The following NCAM1 variants were observed in gnomAD, a reference collection of about 807,000 sequenced individuals.
NCAM1 encodes the protein antigen recognized by monoclonal antibody 5.1H11.
Under a neutral mutation model 109.8 loss-of-function variants are expected in NCAM1, and 14 were observed. The ratio of observed to expected loss-of-function variants is 0.13; its 90% CI spans 0.08 to 0.20. The LOEUF (loss-of-function observed/expected upper bound fraction) is 0.20, where lower values mean the gene tolerates loss of function less well. Among genes scored for constraint, NCAM1 ranks in the 10% least tolerant of loss-of-function variants. NCAM1 has a pLI of 1.00. For missense variants in NCAM1, 774 were observed against 1,109.9 expected, an observed-to-expected ratio of 0.70 and a Z score of 4.30; for synonymous variants, 418 against 442.9, an observed-to-expected ratio of 0.94 and a Z score of 0.70.
In NCAM1 at chr11:113,275,938, G is replaced by C. The variant is rs1316533836; in HGVS notation, c.*551G>C. 6.6e-6 allele frequency: 1 copy of C among 152,626 alleles called. No homozygotes were observed. Among genetic ancestry groups the C allele is most frequent in the Non-Finnish European group, 1.5e-5 (1 of 68,092 alleles). 9.5% of individuals were successfully genotyped at this position (152,626 alleles called of 1,614,324 possible). A position where few individuals can be genotyped will look rare whatever the true frequency, so the allele number is the denominator to read the frequency against. On this transcript the variant is annotated 3_prime_UTR_variant, in exon 20 of 20. Transcript: ENST00000316851. ...ACTTTGTATTTGTTCAGTATGCAAAGTGTGTCACCCTTTCTAGCTGAATTC... is the reference window on the plus strand; with the variant it reads ...ACTTTGTATTTGTTCAGTATGCAAACTGTGTCACCCTTTCTAGCTGAATTC...
At position 113,218,239 on chromosome 11, in the gene NCAM1, A is replaced by G. The variant is rs147228868; in HGVS notation, c.1060-3057A>G. Among the ~76,000 whole-genome samples the G allele has an allele frequency of 3.9e-3, 594 of 152,310 alleles. 5 individuals are homozygous for G. Among genetic ancestry groups the G allele is most frequent in the African/African-American group, 0.014 (568 of 41,574 alleles). On this transcript the variant is annotated intron_variant, in intron 8 of 19. Transcript: ENST00000316851. ...ATCTTTGTCCAAGTCACTGATAGAA[A>G]TGTTGACTAGAACAAGGTCAAGTAC...
chr11:112,965,033 T>C (rs1473074555), intron 1 of NCAM1, among the ~76,000 whole-genome samples: 1 of 152,048 alleles, frequency 6.6e-6, no homozygotes, highest in Non-Finnish European at 1.5e-5. Flanking sequence ...TTCCCTAAAT[T>C]GTTGAACCTG....
At chr11:113,060,967 A>G (rs950194067) in intron 1 of NCAM1, among the ~76,000 whole-genome samples, 3 of 152,168 alleles carry the variant, frequency 2.0e-5, no homozygotes, top group African/African-American at 7.2e-5. Context: ...TTAAGTATAT[A>G]ATACCATTTT....
chr11:113,185,633 A>G (rs1555108753), intron 1 of NCAM1, among the ~76,000 whole-genome samples: 2 of 152,250 alleles, frequency 1.3e-5, no homozygotes, highest in East Asian at 3.8e-4. Context: ...CTGCAGCGCT[A>G]TGTCACACTG....
intron 1 of NCAM1, among the ~76,000 whole-genome samples, chr11:113,106,824 G>A (rs2135919254): frequency 6.6e-6 from 1 of 152,300 alleles, no homozygotes; most frequent in Middle Eastern, 3.4e-3. Flanking sequence ...TACCAAGTCA[G>A]TAGCCCATCT....
intron 1 of NCAM1, among the ~76,000 whole-genome samples, chr11:112,985,862 A>G (rs1289956908): frequency 6.6e-6 from 1 of 151,870 alleles, no homozygotes; most frequent in Admixed American, 6.6e-5. Context: ...GTAACAGTTT[A>G]ACTTCTTCCT....
At position 113,233,115 on chromosome 11, in the gene NCAM1, C is replaced by T. The variant is rs782057844; in HGVS notation, c.1523-32C>T. Reference sequence around the variant, plus strand: ...TAATGGTCTTGGGCCAAACTGGGCTCACCTGAGTCTCCATATGTGTCTTCC... The same window carrying T: ...TAATGGTCTTGGGCCAAACTGGGCTTACCTGAGTCTCCATATGTGTCTTCC... On this transcript the variant is annotated intron_variant, in intron 12 of 19. Transcript: ENST00000316851. This position sits in a 1 kb window ranked among gnomAD's most constrained non-coding sequence, Gnocchi z 4.5. 293 of 1,599,570 alleles carry T rather than the reference C, an allele frequency of 1.8e-4. No homozygotes were observed. The highest frequency in any genetic ancestry group is 2.3e-4 in the Non-Finnish European group (272 of 1,173,530).
At chr11:113,196,641 G>A (rs1943863091) in intron 1 of NCAM1, among the ~76,000 whole-genome samples, 1 of 152,152 alleles carries the variant, frequency 6.6e-6, no homozygotes, top group Admixed American at 6.5e-5. Context: ...CTGTTTTACA[G>A]ATGAGACACT....
At chr11:113,139,220 T>G (rs145306232) in intron 1 of NCAM1, among the ~76,000 whole-genome samples, 38 of 152,334 alleles carry the variant, frequency 2.5e-4, no homozygotes, top group Middle Eastern at 3.4e-3. Flanking sequence ...GACTGATTAT[T>G]ACTGGCAGAA....
intron 1 of NCAM1, among the ~76,000 whole-genome samples, chr11:113,149,540 C>T (rs189593630): frequency 6.6e-6 from 1 of 152,248 alleles, no homozygotes; most frequent in Admixed American, 6.5e-5. Context: ...GTAAAACTTG[C>T]AAGATTTAGA....
At chr11:113,121,803 T>G (rs1399875949) in intron 1 of NCAM1, among the ~76,000 whole-genome samples, 1 of 152,208 alleles carries the variant, frequency 6.6e-6, no homozygotes, top group Non-Finnish European at 1.5e-5. Flanking sequence ...TTTTGAGTTG[T>G]CTGTAAATGT....
intron 14 of NCAM1, among the ~76,000 whole-genome samples, chr11:113,237,305 CTT>C (rs1247103642): frequency 7.2e-5 from 11 of 152,206 alleles, no homozygotes; most frequent in African/African-American, 2.7e-4. Context: ...GCTGTACAGT[CTT>C]TTCATAAAAA....
intron 17 of NCAM1, among the ~76,000 whole-genome samples, chr11:113,268,753 A>T (rs1946197498): frequency 6.6e-6 from 1 of 152,202 alleles, no homozygotes. Flanking sequence ...TTACTCAGTT[A>T]CATGTTCCCT....
intron 1 of NCAM1, among the ~76,000 whole-genome samples, chr11:113,174,610 A>G (rs1003174221): frequency 6.6e-6 from 1 of 152,228 alleles, no homozygotes; most frequent in Middle Eastern, 3.2e-3. Flanking sequence ...TACCTGGCTC[A>G]TCTGACCACC....
At chr11:113,009,804 C>T (rs1333712341) in intron 1 of NCAM1, among the ~76,000 whole-genome samples, 2 of 152,018 alleles carry the variant, frequency 1.3e-5, no homozygotes, top group Non-Finnish European at 2.9e-5. Flanking sequence ...CCCTGTTATT[C>T]ATGACAATGC....
intron 8 of NCAM1, among the ~76,000 whole-genome samples, chr11:113,220,726 C>T (rs1407643918): frequency 6.6e-6 from 1 of 151,042 alleles, no homozygotes; most frequent in Non-Finnish European, 1.5e-5. Flanking sequence ...CCTGCCCCAG[C>T]CTCCCGAATA....
At chr11:113,182,346 G>C (rs2136600406) in intron 1 of NCAM1, among the ~76,000 whole-genome samples, 1 of 152,288 alleles carries the variant, frequency 6.6e-6, no homozygotes, top group African/African-American at 2.4e-5. Context: ...TCAAGCAGGA[G>C]GTGTGGAGCG....
At chr11:113,211,688 A>G (rs1944395103) in intron 7 of NCAM1, among the ~76,000 whole-genome samples, 1 of 152,198 alleles carries the variant, frequency 6.6e-6, no homozygotes, top group South Asian at 2.1e-4. Flanking sequence ...CCTGAGGGTT[A>G]CAGCTAAGGA....
At chr11:113,187,563 C>CTG (rs33947463) in intron 1 of NCAM1, among the ~76,000 whole-genome samples, 74,748 of 147,060 alleles carry the variant, frequency 0.51, 20,076 homozygotes, top group South Asian at 0.64. Context: ...GTGTGTGTTT[C>CTG]TGTGTGTGTG....
Sources: gnomAD v4.1 joint callset for allele counts (sites outside exome capture counted in the v4.1 genomes callset) on GRCh38, gnomAD v4.1.1 for gene constraint, Gnocchi (gnomAD v3.1) non-coding constraint, MANE v1.5 for transcripts, NCBI Gene and HGNC (gene_info 2026-07-23, HGNC 2026-07-21) for gene names.